The following ASIC4 variants were observed in gnomAD, a reference collection of about 807,000 sequenced individuals.
ASIC4 encodes the protein acid-sensing ion channel 4.
A neutral mutation model predicts 53.4 loss-of-function variants in ASIC4; 28 were observed. The ratio of observed to expected loss-of-function variants is 0.52; its 90% CI spans 0.39 to 0.72. The LOEUF (loss-of-function observed/expected upper bound fraction) is 0.72, where lower values mean the gene tolerates loss of function less well. Among genes scored for constraint, ASIC4 ranks in the 30% least tolerant of loss-of-function variants. The pLI is 0.00. For missense variants in ASIC4, 649 were observed against 729.7 expected (o/e 0.89, Z 1.27); for synonymous variants, 289 against 301.4 (o/e 0.96, Z 0.43).
Position 219,514,902 on chromosome 2 carries a change from C to T in ASIC4, c.178C>T (p.Pro60Ser), listed in dbSNP as rs1224599493. 6 of 1,612,796 alleles carry T rather than the reference C, an allele frequency of 3.7e-6. No homozygotes were observed. The highest frequency in any genetic ancestry group is 1.7e-4 in the Middle Eastern group (1 of 6,060). ...GCATGGACTGGGCCGGGCCTGTGGC[C>T]CAGGCCCCCACGGACTGCGCAGAAC... ...TLHGLGRACG[P>S]GPHGLRRTLW... Residue 60 changes from proline to serine, a missense_variant, in exon 1 of 10, where the codon CCA (proline) becomes TCA (serine). By Grantham distance (74) the Pro-to-Ser change is moderately conservative (BLOSUM62 -1). Transcript: ENST00000358078.
upstream of ASIC4, chr2:219,514,399 C>T (rs1029022302): frequency 1.2e-5 from 18 of 1,548,350 alleles, no homozygotes; most frequent in Middle Eastern, 2.2e-4. Flanking sequence ...CTCGCTCCCT[C>T]GCTCACTCGC....
In ASIC4 at chr2:219,516,512, C is replaced by A. The variant is rs773431245; in HGVS notation, c.582+1206C>A. 5.3e-5 allele frequency among the ~76,000 whole-genome samples: 8 copies of A among 151,940 alleles called. No homozygotes were observed. The highest frequency in any genetic ancestry group is 1.2e-4 in the Non-Finnish European group (8 of 67,990). On this transcript the variant is annotated intron_variant, in intron 1 of 9. Coordinates refer to ENST00000358078, the MANE Select transcript of ASIC4 (RefSeq NM_018674.6). This position sits in a 1 kb window ranked among gnomAD's most constrained non-coding sequence, Gnocchi z 4.9. ...CACAGGGTATCTAGTATTCATGGCG[C>A]TCGAGATGCTTGTCCCTAGTCCACA...
At chr2:219,513,917 C>T (rs1225604417), upstream of ASIC4, among the ~76,000 whole-genome samples, 1 of 152,198 alleles carries the variant, frequency 6.6e-6, no homozygotes, top group Non-Finnish European at 1.5e-5. Flanking sequence ...CTAGCCTGCC[C>T]TCCTCTGCCC....
In ASIC4 at chr2:219,538,659, C is replaced by G. The variant is rs969101722; in HGVS notation, c.*613C>G. 6 of 155,162 alleles carry G rather than the reference C, an allele frequency of 3.9e-5. No homozygotes were observed. The highest frequency in any genetic ancestry group is 1.2e-4 in the African/African-American group (5 of 41,462). 9.6% of individuals were successfully genotyped at this position (155,162 alleles called of 1,614,324 possible). ...CTTCTATAGGGAGGGGGCAGGAGAC[C>G]TTCCAGACTTCGGCTGAGCTTGGAG... On this transcript the variant is annotated 3_prime_UTR_variant, in exon 10 of 10. Coordinates refer to ENST00000358078, the MANE Select transcript of ASIC4 (RefSeq NM_018674.6).
intron 6 of ASIC4, 37 bp downstream of exon 6, chr2:219,535,361 T>C (rs760629513): frequency 6.5e-7 from 1 of 1,538,160 alleles, no homozygotes; most frequent in Non-Finnish European, 8.8e-7. Context: ...GCTGTGTGAC[T>C]CTGTGTGTAC....
At chr2:219,523,691 G>T (rs1694923204) in intron 1 of ASIC4, among the ~76,000 whole-genome samples, 1 of 152,156 alleles carries the variant, frequency 6.6e-6, no homozygotes, top group African/African-American at 2.4e-5. Flanking sequence ...TTCCACCGTG[G>T]TGACCTTGGC....
upstream of ASIC4, among the ~76,000 whole-genome samples, chr2:219,513,065 CG>C (rs1694721959): frequency 6.6e-6 from 1 of 152,212 alleles, no homozygotes; most frequent in Non-Finnish European, 1.5e-5. Context: ...CGTTGGGCAG[CG>C]GGTGGACCTC....
upstream of ASIC4, chr2:219,514,380 G>A (rs1010035652): frequency 1.1e-5 from 17 of 1,546,798 alleles, no homozygotes; most frequent in South Asian, 2.4e-5. Context: ...GCGGCGTGGC[G>A]GAGCAGCGCT....
chr2:219,527,025 T>C (rs534621232), intron 1 of ASIC4, among the ~76,000 whole-genome samples: 4 of 152,332 alleles, frequency 2.6e-5, no homozygotes, highest in East Asian at 1.9e-4. Flanking sequence ...GACCGGACCC[T>C]GGACTCTCAA....
rs1291067356 is a variant in ASIC4 at position 219,537,464 on chromosome 2, C to A, written c.1401+143C>A. 3 of 1,134,588 alleles carry A rather than the reference C, an allele frequency of 2.6e-6. No individual in the cohort carries two copies. Among genetic ancestry groups the A allele is most frequent in the Admixed American group, 2.1e-5 (1 of 47,022 alleles). The allele number at this position is 1,134,588 out of a possible 1,614,324, so 70.3% of individuals were successfully genotyped here. ...CAGGGTCCCCTGACTGGCTGGCAGG[C>A]CTGAGGGCTCAGAGTCAGGAGAAGG... On this transcript the variant is annotated intron_variant, in intron 8 of 9. Coordinates refer to ENST00000358078, the MANE Select transcript of ASIC4 (RefSeq NM_018674.6). The surrounding 1 kb of genome is among the most constrained non-coding windows in gnomAD (Gnocchi z 4.9).
In ASIC4 at chr2:219,535,324, G is replaced by C. The variant is rs201444713; in HGVS notation, c.1229G>C (p.Arg410Pro). Residue 410 changes from arginine (R) to proline (P), a missense_variant and splice_region_variant, in exon 6 of 10, where the codon CGG (arginine) becomes CCG (proline). Arg to Pro is a moderately radical substitution (Grantham distance 103). Transcript: ENST00000358078. The stretch of plus-strand genomic sequence containing the variant: ...TACAACCGCAACGAGACCTACATAC[G>C]GTATGTGTGTGTGTGTGTGGGGGGT... ...RKYNRNETYI[R>P]ENFLVLDVFF... The C allele has an allele frequency of 2.5e-6, 4 of 1,588,654 alleles. No individual in the cohort carries two copies. The highest frequency in any genetic ancestry group is 3.4e-6 in the Non-Finnish European group (4 of 1,169,248).
chr2:219,514,563 T>TCCCCCACCTCGGG lies in ASIC4; in HGVS notation c.-153_-141dup. 1 of 1,568,690 alleles carries TCCCCCACCTCGGG rather than the reference T, an allele frequency of 6.4e-7. No individual in the cohort carries two copies. The highest frequency in any genetic ancestry group is 8.6e-7 in the Non-Finnish European group (1 of 1,157,426). ...CGGAGCTGCTGGGAGTGGGAGTGAC[T>TCCCCCACCTCGGG]CCCCCACCTCGGGCCCCCACCCTGT... On this transcript the variant is annotated 5_prime_UTR_variant, in exon 1 of 10. Coordinates refer to ENST00000358078, the MANE Select transcript of ASIC4 (RefSeq NM_018674.6).
chr2:219,537,380 C>T lies in ASIC4; in HGVS notation c.1401+59C>T, dbSNP rs770347120. On this transcript the variant is annotated intron_variant, in intron 8 of 9. Transcript: ENST00000358078. This position sits in a 1 kb window ranked among gnomAD's most constrained non-coding sequence, Gnocchi z 4.9. ...GGGCCGTGGGCAAAGCAGAAGGGGGCAGTGCGGGGTGCCTGGTGGAGCTGG... is the reference window on the plus strand; with the variant it reads ...GGGCCGTGGGCAAAGCAGAAGGGGGTAGTGCGGGGTGCCTGGTGGAGCTGG... The T allele has an allele frequency of 2.6e-4, 395 of 1,539,426 alleles. 4 individuals carry two copies. Among genetic ancestry groups the T allele is most frequent in the Middle Eastern group, 3.4e-4 (2 of 5,900 alleles).
chr2:219,512,858 A>C (rs1161191246), upstream of ASIC4, among the ~76,000 whole-genome samples: 1 of 152,232 alleles, frequency 6.6e-6, no homozygotes, highest in African/African-American at 2.4e-5. Flanking sequence ...GGGACAACCT[A>C]AGCAGGGCAC....
intron 5 of ASIC4, 92 bp from the exon 6 acceptor site, chr2:219,535,079 C>T: frequency 6.6e-7 from 1 of 1,510,160 alleles, no homozygotes; most frequent in Non-Finnish European, 8.9e-7. Flanking sequence ...GTGCCTGCCT[C>T]AGGACGGCCC....
At chr2:219,509,568 G>T (rs550247665), upstream of ASIC4, among the ~76,000 whole-genome samples, 1 of 152,072 alleles carries the variant, frequency 6.6e-6, no homozygotes, top group African/African-American at 2.4e-5. The surrounding 1 kb of genome is among the most constrained non-coding windows in gnomAD (Gnocchi z 5.2). Flanking sequence ...CCCCTCTGCC[G>T]CCATGGCCAC....
At chr2:219,508,471 G>A in the ASIC4 span, among the ~76,000 whole-genome samples, 353 of 152,186 alleles carry the variant, frequency 2.3e-3, 1 homozygote, top group African/African-American at 8.0e-3. Context: ...GGGGGGTGCC[G>A]CTAGCAAAGC....
At chr2:219,508,930 G>T in the ASIC4 span, among the ~76,000 whole-genome samples, 3 of 148,732 alleles carry the variant, frequency 2.0e-5, no homozygotes, top group African/African-American at 7.3e-5. Context: ...GGCCGGGGAG[G>T]GGGGTGGGTC....
intron 1 of ASIC4, among the ~76,000 whole-genome samples, chr2:219,529,763 A>G (rs560547426): frequency 1.3e-5 from 2 of 152,280 alleles, no homozygotes; most frequent in African/African-American, 4.8e-5. Context: ...GTGCAACGGT[A>G]GACGGCACTG....
Sources: allele counts gnomAD v4.1 joint callset (sites outside exome capture counted in the v4.1 genomes callset), GRCh38; gene constraint gnomAD v4.1.1; non-coding constraint Gnocchi (gnomAD v3.1); transcripts MANE v1.5; gene names NCBI Gene and HGNC (gene_info 2026-07-23, HGNC 2026-07-21).